NEO1: variants seen among roughly 807,000 people sequenced by gnomAD.
The protein encoded by NEO1 is neogenin.
In NEO1, 63 loss-of-function variants were observed where a neutral mutation model predicts 159.7. That is an observed-to-expected ratio of 0.39 (90% confidence interval 0.32 to 0.49). The LOEUF is 0.49. NEO1 is among the 20% of genes least tolerant of loss of function. NEO1 has a pLI of 0.85. For synonymous variants in NEO1, 633 were observed against 662.0 expected (o/e 0.96, Z 0.67); for missense variants, 1,615 against 1,831.0 (o/e 0.88, Z 2.15).
At chr15:73,082,352 C>G (rs1567153435) in intron 1 of NEO1, among the ~76,000 whole-genome samples, 1 of 152,100 alleles carries the variant, frequency 6.6e-6, no homozygotes, top group African/African-American at 2.4e-5. Context: ...TTTCTGTCTA[C>G]CGCATCGTAA....
At chr15:73,293,675 C>A in intron 26 of NEO1, 127 bp downstream of exon 26, 1 of 1,032,846 alleles carries the variant, frequency 9.7e-7, no homozygotes, top group Non-Finnish European at 1.4e-6. Context: ...CTTAGCATAA[C>A]ATTTCTGTGA....
At chr15:73,253,498 C>A in intron 12 of NEO1, 49 bp downstream of exon 12, 1 of 1,320,646 alleles carries the variant, frequency 7.6e-7, no homozygotes. Context: ...TACTGTTGCG[C>A]CTCAGAGGGG....
intron 7 of NEO1, among the ~76,000 whole-genome samples, chr15:73,182,577 G>A (rs891307497): frequency 2.0e-5 from 3 of 151,872 alleles, no homozygotes; most frequent in Non-Finnish European, 4.4e-5. Context: ...AGTTCCACAT[G>A]GCTGGGGAGG....
At chr15:73,108,088 T>G (rs937336082) in intron 1 of NEO1, among the ~76,000 whole-genome samples, 1 of 152,340 alleles carries the variant, frequency 6.6e-6, no homozygotes, top group Admixed American at 6.5e-5. Flanking sequence ...GTGAAACAAT[T>G]CTTATATATT....
chr15:73,119,783 A>G (rs574731136), intron 2 of NEO1, among the ~76,000 whole-genome samples: 6 of 152,204 alleles, frequency 3.9e-5, no homozygotes, highest in Non-Finnish European at 7.3e-5. Flanking sequence ...TTGTGAGCTT[A>G]CATTTTAAAA....
intron 7 of NEO1, among the ~76,000 whole-genome samples, chr15:73,202,464 GC>G (rs1214399343): frequency 1.3e-4 from 20 of 152,268 alleles, no homozygotes; most frequent in Admixed American, 6.5e-4. Context: ...CATAAGAGGA[GC>G]ATCTGTTATC....
At chr15:73,277,931 C>T (rs1221417276) in intron 21 of NEO1, among the ~76,000 whole-genome samples, 200 bp from the exon 22 acceptor site, 1 of 152,200 alleles carries the variant, frequency 6.6e-6, no homozygotes, top group African/African-American at 2.4e-5. Context: ...CTTTCAGATG[C>T]CTCATTACAT....
At chr15:73,135,063 G>A (rs1158957166) in intron 4 of NEO1, among the ~76,000 whole-genome samples, 2 of 152,130 alleles carry the variant, frequency 1.3e-5, no homozygotes, top group Admixed American at 1.3e-4. Context: ...TTAGGTACTT[G>A]TCCCTAGAAT....
chr15:73,075,937 T>C (rs1262240939), intron 1 of NEO1, among the ~76,000 whole-genome samples: 2 of 152,210 alleles, frequency 1.3e-5, no homozygotes, highest in African/African-American at 4.8e-5. Context: ...TTGTAAGTTG[T>C]AACCTATTTT....
At chr15:73,093,223 G>A (rs1209748213) in intron 1 of NEO1, among the ~76,000 whole-genome samples, 1 of 152,214 alleles carries the variant, frequency 6.6e-6, no homozygotes, top group African/African-American at 2.4e-5. Flanking sequence ...TCAACATGAT[G>A]TATCACTATT....
intron 5 of NEO1, among the ~76,000 whole-genome samples, chr15:73,155,213 G>T (rs1303623249): frequency 6.6e-6 from 1 of 151,806 alleles, no homozygotes; most frequent in African/African-American, 2.4e-5. Flanking sequence ...CTGATGTTTG[G>T]TGGTGGTGGT....
At chr15:73,248,731 C>G (rs2039926747) in intron 9 of NEO1, among the ~76,000 whole-genome samples, 1 of 152,174 alleles carries the variant, frequency 6.6e-6, no homozygotes, top group African/African-American at 2.4e-5. Flanking sequence ...TTCTATTCAT[C>G]ACTGTATCCC....
chr15:73,215,232 G>GT (rs1473866883), intron 7 of NEO1, among the ~76,000 whole-genome samples: 1 of 152,176 alleles, frequency 6.6e-6, no homozygotes, highest in East Asian at 1.9e-4. Flanking sequence ...AACAGTGACA[G>GT]TTTGACTTCC....
intron 1 of NEO1, among the ~76,000 whole-genome samples, chr15:73,080,101 T>A (rs1284009792): frequency 2.0e-5 from 3 of 152,166 alleles, no homozygotes; most frequent in Non-Finnish European, 4.4e-5. Context: ...TACAAATAAT[T>A]GATGGCAATA....
rs554455524 is a variant in NEO1 at position 73,301,451 on chromosome 15, C to A, written c.4296C>A (p.Ser1432=). The change falls in exon 28 of 29, where the codon TCC becomes TCA. Residue 1432 remains serine (S), a synonymous_variant. Coordinates refer to ENST00000261908, the MANE Select transcript of NEO1 (RefSeq NM_002499.4). ...VQETTRMLED[S]ESSYEPDELT... ...AGACCACAAGGATGTTGGAAGACTC[C>A]GAGAGTGTAAGTTCGTGGGGCCATC... 3.1e-6 allele frequency: 5 copies of A among 1,614,126 alleles called. No individual in the cohort carries two copies. In the Admixed American group the frequency reaches 8.3e-5, roughly 27 times the overall value.
In NEO1 at chr15:73,278,157, C is replaced by T. The variant is rs199989189; in HGVS notation, c.3220C>T (p.Arg1074Trp). 55 of 1,613,026 alleles carry T rather than the reference C, an allele frequency of 3.4e-5. 1 individual carries two copies. The highest frequency in any genetic ancestry group is 4.2e-5 in the Non-Finnish European group (50 of 1,179,196). ...QASGSGGKGS[R>W]LPDLGSDYKP... ...CTCAGGGTCTGGAGGGAAAGGAAGC[C>T]GGCTGCCAGACCTAGGATCCGACTA... is the stretch of plus-strand genomic sequence containing the variant. Residue 1074 changes from arginine (R) to tryptophan (W), a missense_variant, in exon 22 of 29, where the codon CGG (arginine) becomes TGG (tryptophan). By Grantham distance (101) the Arg-to-Trp change is moderately radical (BLOSUM62 -3). Transcript: ENST00000261908.
At chr15:73,156,456 G>A (rs548474425) in intron 5 of NEO1, among the ~76,000 whole-genome samples, 87 of 152,294 alleles carry the variant, frequency 5.7e-4, no homozygotes, top group African/African-American at 1.9e-3. Context: ...TCTCTCAAAT[G>A]CCTGTTGTAG....
intron 1 of NEO1, among the ~76,000 whole-genome samples, chr15:73,054,488 C>T (rs770151849): frequency 5.3e-5 from 8 of 152,148 alleles, no homozygotes; most frequent in Admixed American, 1.3e-4. Flanking sequence ...GAAAGATAGC[C>T]ATCCATCTAC....
At chr15:73,159,371 T>C (rs1365734650) in intron 5 of NEO1, among the ~76,000 whole-genome samples, 1 of 152,162 alleles carries the variant, frequency 6.6e-6, no homozygotes, top group Non-Finnish European at 1.5e-5. Context: ...ATTTGGTCTT[T>C]TCCTCCAGTG....
Sources: allele counts gnomAD v4.1 joint callset (sites outside exome capture counted in the v4.1 genomes callset), GRCh38; gene constraint gnomAD v4.1.1; transcripts MANE v1.5; gene names NCBI Gene and HGNC (gene_info 2026-07-23, HGNC 2026-07-21).